Variants in SORL1 observed in about 807,000 individuals in gnomAD.
SORL1 encodes sortilin-related receptor.
A neutral mutation model predicts 273.7 loss-of-function variants in SORL1; 127 were observed. The observed-to-expected ratio is 0.46, with a 90% CI of 0.40 to 0.54. The LOEUF (loss-of-function observed/expected upper bound fraction) is 0.54. Ranked by LOEUF, SORL1 falls within the 20% of genes least tolerant of loss-of-function variation. SORL1 has a pLI of 0.00. For missense variants in SORL1, 2,494 were observed against 2,846.1 expected (o/e 0.88, Z 2.81); for synonymous variants, 1,031 against 1,067.4 (o/e 0.97, Z 0.66).
intron 3 of SORL1, among the ~76,000 whole-genome samples, chr11:121,478,631 C>T (rs546666566): frequency 6.6e-5 from 10 of 152,146 alleles, no homozygotes; most frequent in Admixed American, 1.3e-4. Flanking sequence ...CGTGCTTATG[C>T]GTGCTTGTAT....
At chr11:121,625,339 T>C (rs1863780468) in intron 46 of SORL1, 62 bp downstream of exon 46, 1 of 1,321,142 alleles carries the variant, frequency 7.6e-7, no homozygotes, top group Non-Finnish European at 1.1e-6. Context: ...GAATGTCATA[T>C]GGTTTCATGA....
chr11:121,601,771 TTATA>T (rs1863395430), intron 32 of SORL1, among the ~76,000 whole-genome samples: 3 of 152,262 alleles, frequency 2.0e-5, no homozygotes, highest in Admixed American at 2.0e-4. Flanking sequence ...GAGACATACT[TTATA>T]AAGAAACCTC....
chr11:121,455,790 C>G (rs761248479), intron 1 of SORL1, among the ~76,000 whole-genome samples: 32 of 152,256 alleles, frequency 2.1e-4, no homozygotes, highest in South Asian at 8.3e-4. Flanking sequence ...GTCAGGAGTT[C>G]GAAACCAGCC....
intron 31 of SORL1, among the ~76,000 whole-genome samples, chr11:121,591,459 T>C (rs541511245): frequency 6.6e-6 from 1 of 152,254 alleles, no homozygotes; most frequent in Non-Finnish European, 1.5e-5. Flanking sequence ...TATGCCACCT[T>C]TGCTGCCTTC....
Position 121,588,118 on chromosome 11 carries a change from G to A in SORL1, c.3913G>A (p.Gly1305Arg), listed in dbSNP as rs763582192. The change falls in exon 28 of 48, where the codon GGG (glycine) becomes AGG (arginine). Residue 1305 changes from glycine to arginine, a missense_variant. Around this residue, in one of 3 missense-constraint regions of SORL1, gnomAD observed 1,609 missense variants for 1,816.4 expected, o/e 0.89. Coordinates refer to ENST00000260197, the MANE Select transcript of SORL1 (RefSeq NM_003105.6). Reference sequence around the variant, plus strand: ...TGACGGAATCATCCAGTGCCGCGACGGGTCCGATGAGGATGCGGCGTTTGC... The same window carrying A: ...TGACGGAATCATCCAGTGCCGCGACAGGTCCGATGAGGATGCGGCGTTTGC... The part of the protein sequence containing the change: ...VCDGIIQCRD[G>R]SDEDAAFAGC... 6 of 1,613,610 alleles carry A rather than the reference G, an allele frequency of 3.7e-6. No homozygotes were observed. Among genetic ancestry groups the A allele is most frequent in the Admixed American group, 3.3e-5 (2 of 59,994 alleles).
At chr11:121,511,186 T>G (rs1167350394) in intron 6 of SORL1, among the ~76,000 whole-genome samples, 1 of 152,190 alleles carries the variant, frequency 6.6e-6, no homozygotes, top group East Asian at 1.9e-4. Flanking sequence ...TTGAGATTTT[T>G]TTTTTGATGA....
rs1469755686 is a variant in SORL1 at position 121,577,439 on chromosome 11, T to C, written c.3580+39T>C. On this transcript the variant is annotated intron_variant, in intron 25 of 47. Transcript: ENST00000260197. ...GGACTCAGTTGACAGCACTCATCCGTTCATGCAGTGGTTAACATTATAGCT... is the reference window on the plus strand; with the variant it reads ...GGACTCAGTTGACAGCACTCATCCGCTCATGCAGTGGTTAACATTATAGCT... 3.3e-6 allele frequency: 5 copies of C among 1,534,446 alleles called. No individual in the cohort carries two copies. The Admixed American group carries it at 8.3e-5, about 26-fold the overall frequency.
intron 3 of SORL1, among the ~76,000 whole-genome samples, chr11:121,484,413 A>G (rs949794313): frequency 6.6e-6 from 1 of 152,188 alleles, no homozygotes; most frequent in African/African-American, 2.4e-5. Flanking sequence ...GGCCATGCCA[A>G]TAGCACTGAG....
chr11:121,613,071 TG>T (rs1453882170), intron 40 of SORL1, among the ~76,000 whole-genome samples: 3 of 152,180 alleles, frequency 2.0e-5, no homozygotes, highest in East Asian at 1.9e-4. Context: ...TAGTGGAAGT[TG>T]GGGGCCATAA....
At chr11:121,614,828 AC>A in intron 40 of SORL1, 42 bp from the exon 41 acceptor site, 3 of 1,549,266 alleles carry the variant, frequency 1.9e-6, no homozygotes, top group Non-Finnish European at 2.7e-6. Flanking sequence ...CTTGACTAAC[AC>A]CCCCAACTTC....
intron 19 of SORL1, 148 bp from the exon 20 acceptor site, chr11:121,558,443 C>G (rs1862624112): frequency 6.6e-6 from 5 of 756,576 alleles, no homozygotes; most frequent in Non-Finnish European, 1.1e-5. Flanking sequence ...TAAGTAGTTT[C>G]AGGTGTTGTC....
At chr11:121,601,649 A>G in intron 32 of SORL1, among the ~76,000 whole-genome samples, 1 of 148,420 alleles carries the variant, frequency 6.7e-6, no homozygotes, top group African/African-American at 2.5e-5. Context: ...AGACTCCTGG[A>G]CTCAAGCAAT....
intron 25 of SORL1, among the ~76,000 whole-genome samples, chr11:121,581,071 C>A (rs1863008611): frequency 6.6e-6 from 1 of 152,028 alleles, no homozygotes; most frequent in South Asian, 2.1e-4. Flanking sequence ...TGCCAGCAGG[C>A]CTGGCTAGTT....
At chr11:121,483,761 T>C (rs1861431522) in intron 3 of SORL1, among the ~76,000 whole-genome samples, 1 of 152,192 alleles carries the variant, frequency 6.6e-6, no homozygotes, top group Admixed American at 6.5e-5. Flanking sequence ...CTTCCTAACA[T>C]GTACATATCT....
intron 12 of SORL1, among the ~76,000 whole-genome samples, chr11:121,536,364 A>T (rs1245815383): frequency 6.7e-6 from 1 of 149,378 alleles, no homozygotes; most frequent in East Asian, 2.0e-4. Context: ...CCCCTACTTT[A>T]TCCTAACCCC....
chr11:121,497,319 C>T (rs771662425), intron 6 of SORL1, among the ~76,000 whole-genome samples: 7 of 152,186 alleles, frequency 4.6e-5, no homozygotes, highest in Non-Finnish European at 1.0e-4. Flanking sequence ...GGTAGCCAAG[C>T]ATCCTTGACA....
At chr11:121,539,717 A>G (rs1307129109) in intron 12 of SORL1, among the ~76,000 whole-genome samples, 3 of 152,000 alleles carry the variant, frequency 2.0e-5, no homozygotes, top group South Asian at 2.1e-4. Flanking sequence ...CAGCTTTCCA[A>G]TCAGCCAGAA....
At chr11:121,457,462 C>A (rs1425751011) in intron 1 of SORL1, among the ~76,000 whole-genome samples, 1 of 152,126 alleles carries the variant, frequency 6.6e-6, no homozygotes, top group East Asian at 1.9e-4. Context: ...CATGTATGTA[C>A]ATAAAATTGG....
At chr11:121,492,930 G>A (rs996651166) in intron 5 of SORL1, among the ~76,000 whole-genome samples, 1 of 151,170 alleles carries the variant, frequency 6.6e-6, no homozygotes, top group Non-Finnish European at 1.5e-5. Context: ...AGCCTCCTGA[G>A]TAGCTGGGAT....
Sources: allele counts gnomAD v4.1 joint callset (sites outside exome capture counted in the v4.1 genomes callset), GRCh38; gene constraint gnomAD v4.1.1; regional missense constraint gnomAD v4.1.1; transcripts MANE v1.5; gene names NCBI Gene and HGNC (gene_info 2026-07-23, HGNC 2026-07-21).